CP: variants seen among roughly 807,000 people sequenced by gnomAD.
CP encodes the protein ceruloplasmin.
In CP, 64 loss-of-function variants were observed where a neutral mutation model predicts 122.4. That is an observed-to-expected ratio of 0.52 (90% CI 0.43 to 0.64). The LOEUF is 0.64. Among genes scored for constraint, CP ranks in the 30% least tolerant of loss-of-function variants. The pLI is 0.00. For missense variants in CP, 1,167 were observed against 1,284.4 expected, an observed-to-expected ratio of 0.91 and a Z score of 1.40; for synonymous variants, 440 against 436.4, an observed-to-expected ratio of 1.01 and a Z score of -0.10.
At chr3:149,164,631 C>G (rs1158228983) in intron 5 of CP, among the ~76,000 whole-genome samples, 1 of 152,142 alleles carries the variant, frequency 6.6e-6, no homozygotes, top group Non-Finnish European at 1.5e-5. Flanking sequence ...TGCTAACATA[C>G]AAAACTTAAG....
chr3:149,165,747 G>T (rs1298928908), intron 5 of CP, among the ~76,000 whole-genome samples: 2 of 152,118 alleles, frequency 1.3e-5, no homozygotes, highest in Non-Finnish European at 2.9e-5. Context: ...CACATGCTTT[G>T]CTCCTTCCTA....
In CP at chr3:149,221,794, T is replaced by A. The variant is rs1576795957; in HGVS notation, c.-2A>T. ...AATACCAAGTATCAAAATCTTCATT[T>A]TTTTCCCCTTCTTGGAGCCTGAGAA... is the stretch of plus-strand genomic sequence containing the variant. On this transcript the variant is annotated 5_prime_UTR_variant, in exon 1 of 19. Coordinates refer to ENST00000264613, the MANE Select transcript of CP (RefSeq NM_000096.4). 1 of 1,613,686 alleles carries A rather than the reference T, an allele frequency of 6.2e-7. No homozygotes were observed.
Position 149,199,666 on chromosome 3 carries a change from G to A in CP, c.1501+46C>T, listed in dbSNP as rs576619117. 5 of 1,609,218 alleles carry A rather than the reference G, an allele frequency of 3.1e-6. No homozygotes were observed. In the East Asian group the frequency reaches 8.9e-5, roughly 29 times the overall value. On this transcript the variant is annotated intron_variant, in intron 8 of 18. Coordinates refer to ENST00000264613, the MANE Select transcript of CP (RefSeq NM_000096.4). ...GCATACTGTCAGTGACCAGTACAGT[G>A]GGTTATTAAACATTGTTGATTTGTT...
At chr3:149,171,285 A>G (rs988737331), downstream of CP, among the ~76,000 whole-genome samples, 1 of 152,198 alleles carries the variant, frequency 6.6e-6, no homozygotes, top group African/African-American at 2.4e-5. Context: ...TCAAAAAAAA[A>G]AAATATATTG....
downstream of CP, chr3:149,168,114 T>C (rs1323345998): frequency 6.0e-6 from 4 of 665,840 alleles, no homozygotes; most frequent in Non-Finnish European, 8.2e-6. Flanking sequence ...GGGGAGCTTA[T>C]TTTCAGCATT....
chr3:149,217,678 G>T (rs1487606357), intron 1 of CP, among the ~76,000 whole-genome samples: 2 of 152,146 alleles, frequency 1.3e-5, no homozygotes, highest in Admixed American at 1.3e-4. Flanking sequence ...TCTTTTAATA[G>T]GGGTAAAATG....
At chr3:149,188,404 T>TCAATATGG (rs1357574511) in intron 9 of CP, among the ~76,000 whole-genome samples, 1 of 139,470 alleles carries the variant, frequency 7.2e-6, no homozygotes, top group Admixed American at 8.2e-5. Flanking sequence ...GATTTGTGGT[T>TCAATATGG]CAATATGGTA....
Position 149,177,972 on chromosome 3 carries a change from A to C in CP, c.2886T>G (p.Asn962Lys). The C allele has an allele frequency of 6.2e-7, 1 of 1,613,376 alleles. No homozygotes were observed. Among genetic ancestry groups the C allele is most frequent in the Non-Finnish European group, 8.5e-7 (1 of 1,179,324 alleles). Reference protein sequence around the residue: ...FIESNKMHAINGRMFGNLQGL... With the variant: ...FIESNKMHAIKGRMFGNLQGL... Reference sequence around the variant, plus strand: ...CTTGTAGGTTTCCAAACATTCTTCCATTAATAGCTAGGGAAAGCATATGGT... The same window carrying C: ...CTTGTAGGTTTCCAAACATTCTTCCCTTAATAGCTAGGGAAAGCATATGGT... Residue 962 changes from asparagine (N) to lysine (K), a missense_variant, in exon 17 of 19, where the codon AAT becomes AAG. Physicochemically the swap from Asn to Lys is moderately conservative, Grantham distance 94. Transcript: ENST00000264613.
At position 149,207,524 on chromosome 3, in the gene CP, A is replaced by G. The variant is rs1727826127; in HGVS notation, c.875T>C (p.Val292Ala). Residue 292 changes from valine to alanine, a missense_variant, in exon 5 of 19, where the codon GTT becomes GCT. Coordinates refer to ENST00000264613, the MANE Select transcript of CP (RefSeq NM_000096.4). ...KWYLFGMGNE[V>A]DVHAAFFHGQ... ...GTGAAAGAAAGCTGCGTGCACATCA[A>G]CTTCATTACCCATACCAAAAAGGTA... The G allele has an allele frequency of 1.2e-6, 2 of 1,613,878 alleles. No individual in the cohort carries two copies. The highest frequency in any genetic ancestry group is 2.7e-5 in the African/African-American group (2 of 74,920).
At chr3:149,179,258 A>G (rs1576730151) in intron 15 of CP, among the ~76,000 whole-genome samples, 1 of 152,290 alleles carries the variant, frequency 6.6e-6, no homozygotes, top group South Asian at 2.1e-4. Context: ...GAAGGATCTG[A>G]AATGCAAATA....
chr3:149,207,428 G>A lies in CP; in HGVS notation c.971C>T (p.Ala324Val). 3 of 1,613,944 alleles carry A rather than the reference G, an allele frequency of 1.9e-6. No homozygotes were observed. Among genetic ancestry groups the A allele is most frequent in the Non-Finnish European group, 2.5e-6 (3 of 1,179,862 alleles). Residue 324 changes from alanine to valine, a missense_variant, in exon 5 of 19, where the codon GCT (alanine) becomes GTT (valine). Around this residue, in one of 2 missense-constraint regions of CP, gnomAD observed 642 missense variants for 627.3 expected, o/e 1.02. Coordinates refer to ENST00000264613, the MANE Select transcript of CP (RefSeq NM_000096.4). ...INLFPATLFD[A>V]YMVAQNPGEW... is the part of the protein sequence containing the mutation. Reference sequence around the variant, plus strand: ...TCCAGGGTTCTGGGCCACCATATAAGCATCAAACAGGGTAGCAGGAAAGAG... The same window carrying A: ...TCCAGGGTTCTGGGCCACCATATAAACATCAAACAGGGTAGCAGGAAAGAG...
intron 1 of CP, among the ~76,000 whole-genome samples, chr3:149,213,269 G>T (rs192296356): frequency 8.1e-4 from 123 of 152,058 alleles, no homozygotes; most frequent in African/African-American, 2.8e-3. Context: ...CAATGTGTGT[G>T]GTTTTTAAAT....
chr3:149,181,985 A>G lies in CP; in HGVS notation c.2554+20T>C. 3 of 402,744 alleles carry G rather than the reference A, an allele frequency of 7.4e-6. No individual in the cohort carries two copies. The highest frequency in any genetic ancestry group is 1.8e-5 in the South Asian group (1 of 55,094). 24.9% of individuals were successfully genotyped at this position (402,744 alleles called of 1,614,324 possible). A position where few individuals can be genotyped will look rare whatever the true frequency, so the allele number is the denominator to read the frequency against. ...CAGCCTGTTAAAATGCACCACCCCCACCCCCGCCCCCGTGAGTACCTGGTA... is the reference window on the plus strand; with the variant it reads ...CAGCCTGTTAAAATGCACCACCCCCGCCCCCGCCCCCGTGAGTACCTGGTA... On this transcript the variant is annotated intron_variant, in intron 14 of 18. Transcript: ENST00000264613.
At chr3:149,190,648 ACT>A (rs1576748927) in intron 9 of CP, among the ~76,000 whole-genome samples, 1 of 140,932 alleles carries the variant, frequency 7.1e-6, no homozygotes, top group East Asian at 2.1e-4. Context: ...ACAGAGGAAG[ACT>A]CTGTCTAAAA....
intron 5 of CP, chr3:149,165,923 T>C: frequency 2.3e-6 from 1 of 432,794 alleles, no homozygotes; most frequent in Non-Finnish European, 4.6e-6. Context: ...TTTATTAAAC[T>C]TGCAGGAAGA....
intron 14 of CP, among the ~76,000 whole-genome samples, chr3:149,181,104 A>C (rs1330650568): frequency 2.2e-4 from 34 of 152,148 alleles, no homozygotes; most frequent in Non-Finnish European, 5.9e-5. Flanking sequence ...ACTTAACCAC[A>C]CATCACCAAC....
At chr3:149,167,812 C>G, downstream of CP, 1 of 880,708 alleles carries the variant, frequency 1.1e-6, no homozygotes, top group Non-Finnish European at 1.9e-6. Flanking sequence ...CTGTGCTTTC[C>G]TGCACAATCT....
At chr3:149,196,396 G>A (rs553233418) in intron 9 of CP, among the ~76,000 whole-genome samples, 1 of 152,110 alleles carries the variant, frequency 6.6e-6, no homozygotes, top group Non-Finnish European at 1.5e-5. Context: ...CACTGAAAAG[G>A]CCCAGAAACA....
Position 149,212,609 on chromosome 3 carries a change from G to T in CP, c.236C>A (p.Thr79Asn). Residue 79 changes from threonine (T) to asparagine (N), a missense_variant, in exon 2 of 19, where the codon ACC becomes AAC. Physicochemically the swap from Thr to Asn is moderately conservative, Grantham distance 65. This residue lies in a region of CP where 642 missense variants were observed against 627.3 expected (regional missense o/e 1.02). Coordinates refer to ENST00000264613, the MANE Select transcript of CP (RefSeq NM_000096.4). Reference sequence around the variant, plus strand: ...CGGTTTTTCTATAGTTGTCCTAAAGGTTTCATCTGTGTACTGAAGATAAAG... The same window carrying T: ...CGGTTTTTCTATAGTTGTCCTAAAGTTTTCATCTGTGTACTGAAGATAAAG... Reference protein sequence around the residue: ...KALYLQYTDETFRTTIEKPVW... With the variant: ...KALYLQYTDENFRTTIEKPVW... 1 of 1,613,970 alleles carries T rather than the reference G, an allele frequency of 6.2e-7. No individual in the cohort carries two copies. Among genetic ancestry groups the T allele is most frequent in the South Asian group, 1.1e-5 (1 of 91,074 alleles).
Sources: allele counts gnomAD v4.1 joint callset (sites outside exome capture counted in the v4.1 genomes callset), GRCh38; gene constraint gnomAD v4.1.1; regional missense constraint gnomAD v4.1.1; transcripts MANE v1.5; gene names NCBI Gene and HGNC (gene_info 2026-07-23, HGNC 2026-07-21).